MACF1: variants seen among roughly 807,000 people sequenced by gnomAD.
MACF1 encodes the protein microtubule-actin cross-linking factor 1.
A neutral mutation model predicts 854.8 loss-of-function variants in MACF1; 193 were observed. The observed-to-expected ratio is 0.23, with a 90% CI of 0.20 to 0.25. MACF1 has a LOEUF of 0.25. MACF1 is among the 10% of genes least tolerant of loss of function. The probability of loss-of-function intolerance (pLI) is 1.00; values close to 1 mark genes in which losing one functional copy is unlikely to be tolerated. For synonymous variants in MACF1, 3,185 were observed against 3,226.7 expected, an observed-to-expected ratio of 0.99 and a Z score of 0.44; for missense variants, 7,722 against 8,929.1, an observed-to-expected ratio of 0.86 and a Z score of 5.45.
Position 39,318,462 on chromosome 1 carries a change from G to A in MACF1, c.3792G>A (p.Glu1264=), listed in dbSNP as rs1646455237. 6.2e-7 allele frequency: 1 copy of A among 1,613,772 alleles called. No homozygotes were observed. The highest frequency in any genetic ancestry group is 8.5e-7 in the Non-Finnish European group (1 of 1,179,850). ...VIAQLEIRQS[E]LESIQEVLGD... is the part of the protein sequence containing the mutation. ...CCCTTTGTTCTTCTAGCCAATCTGA[G>A]CTAGAAAGTATCCAGGAAGTTCTGG... The change falls in exon 30 of 101, where the codon GAG becomes GAA. Residue 1264 remains glutamate (E), a synonymous_variant. Coordinates refer to ENST00000564288, the MANE Select transcript of MACF1 (RefSeq NM_001394062.1).
rs1240282058 is a variant in MACF1 at position 39,389,364 on chromosome 1, T to G, written c.15816+706T>G. 2.8e-4 allele frequency among the ~76,000 whole-genome samples: 38 copies of G among 137,272 alleles called. 1 individual carries two copies. The highest frequency in any genetic ancestry group is 8.2e-4 in the African/African-American group (30 of 36,712). The allele number at this position is 137,272 out of a possible 152,430, so 90.1% of individuals were successfully genotyped here. On this transcript the variant is annotated intron_variant, in intron 58 of 100. Transcript: ENST00000564288. The stretch of plus-strand genomic sequence containing the variant: ...TGGTTTTTGTGTGTTTTTTTTTTTT[T>G]TTTTTTTTTTTTGGAGACAGAGTCT...
intron 21 of MACF1, chr1:39,299,250 A>G (rs1236060201): frequency 6.6e-6 from 3 of 456,148 alleles, no homozygotes; most frequent in Admixed American, 2.4e-5. Flanking sequence ...TCCCGGGGAC[A>G]GGCACAGGTA....
chr1:39,303,925 T>C (rs1226769981), intron 23 of MACF1, among the ~76,000 whole-genome samples: 1 of 151,660 alleles, frequency 6.6e-6, no homozygotes, highest in Admixed American at 6.6e-5. Context: ...TTATCATTAG[T>C]TTATTATAAA....
chr1:39,378,077 G>A (rs12065801), intron 52 of MACF1, among the ~76,000 whole-genome samples: 318 of 151,966 alleles, frequency 2.1e-3, no homozygotes, highest in African/African-American at 7.3e-3. Context: ...GAAAGATATT[G>A]ATATAAAAGG....
chr1:39,437,460 G>A (rs1375317217), intron 70 of MACF1, among the ~76,000 whole-genome samples: 3 of 151,892 alleles, frequency 2.0e-5, no homozygotes, highest in Non-Finnish European at 2.9e-5. Flanking sequence ...ACGGGCGTGC[G>A]CCACCACACC....
Position 39,287,522 on chromosome 1 carries a change from G to T in MACF1, c.1745G>T (p.Arg582Leu). 1 of 1,614,136 alleles carries T rather than the reference G, an allele frequency of 6.2e-7. No individual in the cohort carries two copies. Among genetic ancestry groups the T allele is most frequent in the South Asian group, 1.1e-5 (1 of 91,068 alleles). ...TCCTCTGAAGATGAAGGCAATCTCC[G>T]ATTTGTGTATGAACTACTGTCTTGG... ...ISSSEDEGNLRFVYELLSWVE... is the reference protein window; with the variant it reads ...ISSSEDEGNLLFVYELLSWVE... The change falls in exon 15 of 101, where the codon CGA becomes CTA. Residue 582 changes from arginine (R) to leucine (L), a missense_variant. Around this residue, in one of 15 missense-constraint regions of MACF1, gnomAD observed 1,137 missense variants for 1,263.0 expected, o/e 0.90. Coordinates refer to ENST00000564288, the MANE Select transcript of MACF1 (RefSeq NM_001394062.1).
intron 71 of MACF1, among the ~76,000 whole-genome samples, chr1:39,438,839 T>C (rs968225359): frequency 2.0e-5 from 3 of 151,376 alleles, no homozygotes; most frequent in Admixed American, 6.6e-5. Flanking sequence ...TCCAAGCACT[T>C]TGGGAGGCCG....
intron 40 of MACF1, among the ~76,000 whole-genome samples, chr1:39,344,265 T>TA (rs891854584): frequency 2.7e-5 from 4 of 150,892 alleles, no homozygotes; most frequent in Non-Finnish European, 4.4e-5. Flanking sequence ...CCATCTCTAC[T>TA]AAAAAAAATA....
chr1:39,437,990 A>G lies in MACF1; in HGVS notation c.18202A>G (p.Lys6068Glu). 6.2e-7 allele frequency: 1 copy of G among 1,614,080 alleles called. No individual in the cohort carries two copies. The highest frequency in any genetic ancestry group is 1.1e-5 in the South Asian group (1 of 91,074). Residue 6068 changes from lysine to glutamate, a missense_variant, in exon 71 of 101, where the codon AAG (lysine) becomes GAG (glutamate). By Grantham distance (56) the Lys-to-Glu change is moderately conservative. Transcript: ENST00000564288. ...ELIGRSQGAD[K>E]DLAAKEIQDK... ...TATTGGACGATCTCAGGGAGCAGAC[A>G]AGGATCTGGCTGCAAAAGGTGCTTG...
At chr1:39,404,134 T>A (rs1040638425) in intron 58 of MACF1, among the ~76,000 whole-genome samples, 8 of 140,170 alleles carry the variant, frequency 5.7e-5, no homozygotes, top group African/African-American at 1.8e-4. Flanking sequence ...CTCAAAAAAA[T>A]AAATAAATAA....
intron 85 of MACF1, among the ~76,000 whole-genome samples, chr1:39,451,741 G>C (rs1338643777): frequency 6.6e-6 from 1 of 152,088 alleles, no homozygotes; most frequent in Non-Finnish European, 1.5e-5. Context: ...CATAATTCTG[G>C]AAACGTTAGT....
chr1:39,464,711 C>G (rs1221193374), intron 94 of MACF1: 4 of 204,212 alleles, frequency 2.0e-5, no homozygotes, highest in Admixed American at 1.7e-4. Flanking sequence ...GTCAGGAATT[C>G]GAGACCAACC....
intron 41 of MACF1, 27 bp downstream of exon 41, chr1:39,347,237 A>G (rs1255446795): frequency 6.5e-7 from 1 of 1,543,786 alleles, no homozygotes. Context: ...AGCTGGGCTC[A>G]GTTTGTCTTT....
rs1278906954 is a variant in MACF1, at chr1:39,324,207, G to A, written c.4251G>A (p.Glu1417=). The change falls in exon 34 of 101, where the codon GAG becomes GAA. Residue 1417 remains glutamate, a synonymous_variant. Transcript: ENST00000564288. ...TCCTATTCTAGAAAGTGGTAGAAGA[G>A]GAGAAACAAGAACATGTGGAGAAGG... ...RLEEEEKVVE[E]EKQEHVEKVK... 2 of 1,604,704 alleles carry A rather than the reference G, an allele frequency of 1.2e-6. No homozygotes were observed. The highest frequency in any genetic ancestry group is 1.3e-5 in the African/African-American group (1 of 74,252).
Position 39,247,174 on chromosome 1 carries a change from G to T in MACF1, c.172-2840G>T, listed in dbSNP as rs964525139. 7.0e-5 allele frequency among the ~76,000 whole-genome samples: 10 copies of T among 143,764 alleles called. No homozygotes were observed. The Admixed American group carries it at 7.5e-4, about 11-fold the overall frequency. The allele number at this position is 143,764 out of a possible 152,430, so 94.3% of individuals were successfully genotyped here. Reference sequence around the variant, plus strand: ...TGCAAGCTCCGCCTCCCGAGTTCACGCCATTCTCCTGCCTCAGCCTCCCGT... The same window carrying T: ...TGCAAGCTCCGCCTCCCGAGTTCACTCCATTCTCCTGCCTCAGCCTCCCGT... On this transcript the variant is annotated intron_variant, in intron 2 of 100. Transcript: ENST00000564288.
chr1:39,466,557 C>T (rs550425639), intron 95 of MACF1, among the ~76,000 whole-genome samples: 7 of 152,294 alleles, frequency 4.6e-5, no homozygotes, highest in Admixed American at 1.3e-4. Flanking sequence ...GTGCATACTC[C>T]CTGCCTCTCA....
At position 39,361,423 on chromosome 1, in the gene MACF1, C is replaced by A. The variant is rs1184304897; in HGVS notation, c.12517C>A (p.Arg4173=). The A allele has an allele frequency of 6.2e-7, 1 of 1,614,090 alleles. No homozygotes were observed. The highest frequency in any genetic ancestry group is 8.5e-7 in the Non-Finnish European group (1 of 1,180,028). Residue 4173 remains arginine, a synonymous_variant, in exon 49 of 101, where the codon CGA becomes AGA. Transcript: ENST00000564288. ...GGAGGCCACCCGTGAGATGGTGACC[C>A]GATTCATGGAGACAGCAGACAGTAC... The part of the protein sequence containing the change: ...SLEATREMVT[R]FMETADSTTA...
rs747274833 is a variant in MACF1, at chr1:39,428,114, C to T, written c.16630C>T (p.Arg5544Cys). 7 of 1,614,128 alleles carry T rather than the reference C, an allele frequency of 4.3e-6. No homozygotes were observed. The highest frequency in any genetic ancestry group is 4.5e-5 in the East Asian group (2 of 44,890). Residue 5544 changes from arginine (R) to cysteine (C), a missense_variant, in exon 63 of 101, where the codon CGC becomes TGC. By Grantham distance (180) the Arg-to-Cys change is radical. This residue lies in a region of MACF1 where 2,807 missense variants were observed against 3,235.8 expected (regional missense o/e 0.87). Transcript: ENST00000564288. ...LQARYSEIQD[R>C]CCRKAALLDQ... is the part of the protein sequence containing the mutation. ...GGCCCGATACAGTGAAATTCAAGAC[C>T]GCTGTTGTCGGAAGGCAGCCCTACT...
chr1:39,426,246 A>ATATGTT (rs1491172322), intron 61 of MACF1, among the ~76,000 whole-genome samples: 9 of 152,360 alleles, frequency 5.9e-5, no homozygotes, highest in Admixed American at 6.5e-5. Flanking sequence ...CACTTAAAAA[A>ATATGTT]TATGTTTTTC....
Sources: gnomAD v4.1 joint callset for allele counts (sites outside exome capture counted in the v4.1 genomes callset) on GRCh38, gnomAD v4.1.1 for gene constraint, gnomAD v4.1.1 regional missense constraint, MANE v1.5 for transcripts, NCBI Gene and HGNC (gene_info 2026-07-23, HGNC 2026-07-21) for gene names.